Variants in UBE2L6 observed in about 807,000 individuals in gnomAD.
The protein encoded by UBE2L6 is ubiquitin/ISG15-conjugating enzyme E2 L6.
Under a neutral mutation model 13.6 loss-of-function variants are expected in UBE2L6, and 11 were observed. That is an observed-to-expected ratio of 0.81 (90% CI 0.51 to 1.34). UBE2L6 has a LOEUF of 1.34. UBE2L6 is among the 40% of genes most tolerant of loss of function. The pLI, the probability that UBE2L6 is intolerant of heterozygous loss-of-function variation, is 0.00. For synonymous variants in UBE2L6, 74 were observed against 83.2 expected (o/e 0.89, Z 0.60); for missense variants, 197 against 199.5 (o/e 0.99, Z 0.07).
intron 3 of UBE2L6, among the ~76,000 whole-genome samples, chr11:57,553,698 C>A (rs1279021783): frequency 6.6e-6 from 1 of 152,012 alleles, no homozygotes; most frequent in Non-Finnish European, 1.5e-5. Context: ...TGGTGTCATA[C>A]GCCTGTAATT....
rs564362341 is a variant in UBE2L6 at position 57,555,749 on chromosome 11, A to C, written c.124-1126T>G. 2.0e-5 allele frequency among the ~76,000 whole-genome samples: 3 copies of C among 152,218 alleles called. No individual in the cohort carries two copies. The South Asian group carries it at 6.2e-4, about 32-fold the overall frequency. On this transcript the variant is annotated intron_variant, in intron 2 of 3. Coordinates refer to ENST00000287156, the MANE Select transcript of UBE2L6 (RefSeq NM_004223.5). ...CCACCACCATATCTGGCTAATTAAA[A>C]AAATTTTTTTGATAGGGTCTCACTG...
chr11:57,552,621 C>G (rs1944968495), intron 3 of UBE2L6, 112 bp from the exon 4 acceptor site: 4 of 1,367,420 alleles, frequency 2.9e-6, no homozygotes, highest in African/African-American at 2.9e-5. Context: ...AAGGTTACAT[C>G]GCTTAGGATT....
rs756006473 is a variant in UBE2L6 at position 57,560,424 on chromosome 11, C to T, written c.36G>A (p.Glu12=). The stretch of plus-strand genomic sequence containing the variant: ...ATGGGGGAGGCTTCTTCTGAAGATC[C>T]TCCAGCTCCTGCAGGGGACACAAGT... ...MASMRVVKEL[E]DLQKKPPPYL... The change falls in exon 2 of 4, where the codon GAG becomes GAA. Residue 12 remains glutamate, a synonymous_variant. Coordinates refer to ENST00000287156, the MANE Select transcript of UBE2L6 (RefSeq NM_004223.5). 8 of 1,612,882 alleles carry T rather than the reference C, an allele frequency of 5.0e-6. No homozygotes were observed. Among genetic ancestry groups the T allele is most frequent in the Non-Finnish European group, 6.8e-6 (8 of 1,179,608 alleles).
chr11:57,567,000 T>C lies in UBE2L6; in HGVS notation c.27+585A>G, dbSNP rs79049531. ...AGCACATGTAGGCATTCAACACTTGTAGAACTCACGAACGCAAGCCACCTA... is the reference window on the plus strand; with the variant it reads ...AGCACATGTAGGCATTCAACACTTGCAGAACTCACGAACGCAAGCCACCTA... On this transcript the variant is annotated intron_variant, in intron 1 of 3. Coordinates refer to ENST00000287156, the MANE Select transcript of UBE2L6 (RefSeq NM_004223.5). The C allele has an allele frequency of 4.5e-3, 1,926 of 424,316 alleles. 37 individuals are homozygous for C. Among genetic ancestry groups the C allele is most frequent in the African/African-American group, 0.043 (1,749 of 40,254 alleles). The allele number at this position is 424,316 out of a possible 1,614,324, so 26.3% of individuals were successfully genotyped here.
Position 57,560,334 on chromosome 11 carries a change from C to T in UBE2L6, c.123+3G>A. On this transcript the variant is annotated splice_donor_region_variant and intron_variant, in intron 2 of 3. Coordinates refer to ENST00000287156, the MANE Select transcript of UBE2L6 (RefSeq NM_004223.5). ...CAAAGCCATGGTCCCCATGGATACT[C>T]ACGGGTAGGAGGAGAGCGTGCCACA... 6.2e-7 allele frequency: 1 copy of T among 1,613,512 alleles called. No individual in the cohort carries two copies.
At chr11:57,558,134 G>A (rs1169531726) in intron 2 of UBE2L6, among the ~76,000 whole-genome samples, 1 of 152,024 alleles carries the variant, frequency 6.6e-6, no homozygotes, top group African/African-American at 2.4e-5. Flanking sequence ...GCTGGAGTGC[G>A]ATGGCCCAAT....
intron 1 of UBE2L6, 93 bp from the exon 2 acceptor site, chr11:57,560,525 A>C: frequency 2.1e-6 from 2 of 937,934 alleles, no homozygotes; most frequent in Admixed American, 1.8e-5. Flanking sequence ...CCAAGTTCAA[A>C]ACTGGCCATC....
chr11:57,555,267 C>T (rs530728800), intron 2 of UBE2L6, among the ~76,000 whole-genome samples: 11 of 152,306 alleles, frequency 7.2e-5, no homozygotes, highest in East Asian at 3.9e-4. Flanking sequence ...ATCAACAAAA[C>T]GTGGCATATA....
intron 2 of UBE2L6, among the ~76,000 whole-genome samples, chr11:57,555,607 C>T (rs1944991477): frequency 6.6e-6 from 1 of 152,166 alleles, no homozygotes; most frequent in Non-Finnish European, 1.5e-5. Flanking sequence ...AGCAGGGTCT[C>T]GCTCTGTCAC....
rs1944962393 is a variant in UBE2L6, at chr11:57,551,994, G to T, written c.*364C>A. The T allele has an allele frequency of 8.3e-6, 2 of 241,534 alleles. No individual in the cohort carries two copies. Among genetic ancestry groups the T allele is most frequent in the South Asian group, 5.9e-5 (1 of 16,916 alleles). 15.0% of individuals were successfully genotyped at this position (241,534 alleles called of 1,614,324 possible). On this transcript the variant is annotated 3_prime_UTR_variant, in exon 4 of 4. Coordinates refer to ENST00000287156, the MANE Select transcript of UBE2L6 (RefSeq NM_004223.5). ...CAGGCCCTCAGTGCCTGAGCCCTAG[G>T]GGGATTCGAGTTGGCTGCTGGATTC...
At chr11:57,556,531 G>A (rs182659076) in intron 2 of UBE2L6, among the ~76,000 whole-genome samples, 306 of 146,178 alleles carry the variant, frequency 2.1e-3, no homozygotes, top group African/African-American at 7.6e-3. Flanking sequence ...GGCTGACGTT[G>A]TGGTGAGCAG....
intron 3 of UBE2L6, 105 bp from the exon 4 acceptor site, chr11:57,552,614 GT>G: frequency 7.0e-7 from 1 of 1,426,138 alleles, no homozygotes; most frequent in Non-Finnish European, 9.7e-7. Context: ...TGGGGGAAAG[GT>G]TACATCGCTT....
intron 1 of UBE2L6, among the ~76,000 whole-genome samples, chr11:57,566,374 GGTTTCAT>G: frequency 6.6e-6 from 1 of 152,250 alleles, no homozygotes; most frequent in Non-Finnish European, 1.5e-5. Flanking sequence ...CTGTGGACCT[GGTTTCAT>G]ATTCCAGTCC....
Position 57,556,852 on chromosome 11 carries a change from G to A in UBE2L6, c.124-2229C>T, listed in dbSNP as rs1945001843. ...TGTAATCCTAGCACTTTGGGAGGCT[G>A]AGGCAGATGGATTGCCTGGGCTCAG... On this transcript the variant is annotated intron_variant, in intron 2 of 3. Transcript: ENST00000287156. Among the ~76,000 whole-genome samples the A allele has an allele frequency of 3.3e-5, 5 of 151,934 alleles. No homozygotes were observed. The South Asian group carries it at 1.0e-3, about 31-fold the overall frequency.
chr11:57,552,312 C>T lies in UBE2L6; in HGVS notation c.*46G>A, dbSNP rs528290073. On this transcript the variant is annotated 3_prime_UTR_variant, in exon 4 of 4. Transcript: ENST00000287156. ...CTGGCCTCAGTCCATGAGGTGTGTC[C>T]GTCCGCTATGCCGAGGATCCAGTGC... 6.8e-5 allele frequency: 109 copies of T among 1,608,094 alleles called. No homozygotes were observed. Among genetic ancestry groups the T allele is most frequent in the Middle Eastern group, 3.3e-4 (2 of 6,062 alleles).
In UBE2L6 at chr11:57,562,637, G is replaced by A. The variant is rs73478668; in HGVS notation, c.28-2205C>T. Among the ~76,000 whole-genome samples, 1,049 of 152,324 alleles carry A rather than the reference G, an allele frequency of 6.9e-3. 12 individuals are homozygous for A. Among genetic ancestry groups the A allele is most frequent in the African/African-American group, 0.024 (997 of 41,558 alleles). On this transcript the variant is annotated intron_variant, in intron 1 of 3. Coordinates refer to ENST00000287156, the MANE Select transcript of UBE2L6 (RefSeq NM_004223.5). ...CCAGGGAGCTCAGCACGGAGAGTAAGACTCCATTTGTTTGGGAGAAAGTAA... is the reference window on the plus strand; with the variant it reads ...CCAGGGAGCTCAGCACGGAGAGTAAAACTCCATTTGTTTGGGAGAAAGTAA...
intron 2 of UBE2L6, among the ~76,000 whole-genome samples, chr11:57,559,058 CTGCTTTCA>C (rs757851808): frequency 9.2e-4 from 140 of 152,342 alleles, no homozygotes; most frequent in Admixed American, 2.9e-3. Context: ...CCTATCACCC[CTGCTTTCA>C]TCATCTCAAA....
At chr11:57,556,420 G>A (rs2729372) in intron 2 of UBE2L6, among the ~76,000 whole-genome samples, 82,138 of 151,510 alleles carry the variant, frequency 0.54, 22,738 homozygotes, top group East Asian at 0.79. Flanking sequence ...CCCTGTCTCT[G>A]TTAAAAATGC....
chr11:57,560,616 C>CT, intron 1 of UBE2L6, 184 bp from the exon 2 acceptor site: 1 of 486,884 alleles, frequency 2.1e-6, no homozygotes, highest in Non-Finnish European at 3.6e-6. Context: ...GGTGCTTTTT[C>CT]TTTTTTCTTT....
Sources: gnomAD v4.1 joint callset for allele counts (sites outside exome capture counted in the v4.1 genomes callset) on GRCh38, gnomAD v4.1.1 for gene constraint, MANE v1.5 for transcripts, NCBI Gene and HGNC (gene_info 2026-07-23, HGNC 2026-07-21) for gene names.